OR56A3: variants seen among roughly 807,000 people sequenced by gnomAD.
OR56A3 encodes the protein olfactory receptor family 56 subfamily A member 3.
In OR56A3, 23 loss-of-function variants were observed where a neutral mutation model predicts 17.5. The observed-to-expected ratio is 1.32, with a 90% CI of 0.95 to 1.87. OR56A3 has a LOEUF of 1.87. Ranked by LOEUF, OR56A3 falls within the 40% of genes most tolerant of loss-of-function variation. The pLI is 0.00. For synonymous variants in OR56A3, 175 were observed against 150.6 expected (o/e 1.16, Z -1.19); for missense variants, 366 against 380.1 (o/e 0.96, Z 0.31).
chr11:5,952,501 C>G (rs1847913123), downstream of OR56A3, among the ~76,000 whole-genome samples: 1 of 150,486 alleles, frequency 6.6e-6, no homozygotes, highest in Admixed American at 6.6e-5. Context: ...CAAATAATTA[C>G]ATTATTATTG....
At chr11:5,975,821 C>T in the OR56A3 span, among the ~76,000 whole-genome samples, 1 of 152,030 alleles carries the variant, frequency 6.6e-6, no homozygotes, top group African/African-American at 2.4e-5. Flanking sequence ...TACAGTCTCA[C>T]CAACAGTGTA....
the OR56A3 span, among the ~76,000 whole-genome samples, chr11:6,018,920 C>T: frequency 5.1e-4 from 77 of 151,656 alleles, no homozygotes; most frequent in African/African-American, 1.8e-3. Context: ...ACTAGAAAAC[C>T]TAGAGGAAAT....
In OR56A3 at chr11:5,947,588, T is replaced by C; in HGVS notation, c.242T>C (p.Val81Ala). Reference protein sequence around the residue: ...SLLDIVLCLTVIPKVLTIFWF... With the variant: ...SLLDIVLCLTAIPKVLTIFWF... Reference sequence around the variant, plus strand: ...CTGGACATCGTGCTCTGCCTCACTGTCATCCCCAAGGTCCTGACCATCTTC... The same window carrying C: ...CTGGACATCGTGCTCTGCCTCACTGCCATCCCCAAGGTCCTGACCATCTTC... Residue 81 changes from valine (V) to alanine (A), a missense_variant, in exon 3 of 3, where the codon GTC becomes GCC. Physicochemically the swap from Val to Ala is moderately conservative, Grantham distance 64. Transcript: ENST00000641160. 2 of 1,614,210 alleles carry C rather than the reference T, an allele frequency of 1.2e-6. No homozygotes were observed. The highest frequency in any genetic ancestry group is 1.7e-6 in the Non-Finnish European group (2 of 1,180,034).
the OR56A3 span, among the ~76,000 whole-genome samples, chr11:5,975,738 G>A: frequency 3.3e-5 from 5 of 151,926 alleles, no homozygotes; most frequent in Non-Finnish European, 5.9e-5. Context: ...TGGGATGGCT[G>A]GGTCAAATGG....
At position 5,950,664 on chromosome 11, in the gene OR56A3, A is replaced by G. The variant is rs1847902473; in HGVS notation, c.*2370A>G. The G allele has an allele frequency of 6.6e-6, 1 of 152,150 alleles. No individual in the cohort carries two copies. Among genetic ancestry groups the G allele is most frequent in the South Asian group, 2.1e-4 (1 of 4,836 alleles). 9.4% of individuals were successfully genotyped at this position (152,150 alleles called of 1,614,324 possible). ...CTAATAAGATATTTTATTTAGTCCA[A>G]CATATCCAAAATATTATCATTTCAA... On this transcript the variant is annotated 3_prime_UTR_variant, in exon 3 of 3. Transcript: ENST00000641160.
chr11:5,997,727 A>G, the OR56A3 span, among the ~76,000 whole-genome samples: 1 of 152,232 alleles, frequency 6.6e-6, no homozygotes, highest in Admixed American at 6.5e-5. Context: ...GCTTCATTTC[A>G]GACTTTAGGT....
At chr11:5,942,918 T>G (rs1847847752) in intron 1 of OR56A3, among the ~76,000 whole-genome samples, 1 of 152,258 alleles carries the variant, frequency 6.6e-6, no homozygotes, top group South Asian at 2.1e-4. Flanking sequence ...TGGGCCTATC[T>G]TGCAACCTGG....
chr11:6,004,275 A>T, the OR56A3 span, among the ~76,000 whole-genome samples: 1 of 151,984 alleles, frequency 6.6e-6, no homozygotes, highest in Non-Finnish European at 1.5e-5. Context: ...CTTGAACCAG[A>T]CCTGGGGGGC....
At chr11:5,968,409 C>A in the OR56A3 span, 8 of 1,610,132 alleles carry the variant, frequency 5.0e-6, no homozygotes, top group Admixed American at 1.4e-4. Context: ...CAGAGACAGC[C>A]AGTGCTGCCA....
At chr11:5,979,293 G>T in the OR56A3 span, among the ~76,000 whole-genome samples, 1 of 151,938 alleles carries the variant, frequency 6.6e-6, no homozygotes, top group African/African-American at 2.4e-5. Flanking sequence ...ACTGGGATTG[G>T]CACCAGCGCT....
the OR56A3 span, chr11:6,020,003 G>A: frequency 2.0e-5 from 3 of 152,022 alleles, no homozygotes; most frequent in Admixed American, 1.3e-4. Context: ...TCTATTATAA[G>A]CATCCTGGTA....
chr11:5,945,303 G>A (rs1467213079), intron 2 of OR56A3, among the ~76,000 whole-genome samples: 8 of 152,152 alleles, frequency 5.3e-5, no homozygotes, highest in Admixed American at 2.0e-4. Context: ...GGCCGGGCAC[G>A]GTGGCTCACA....
chr11:5,986,905 A>G, the OR56A3 span: 1 of 1,612,794 alleles, frequency 6.2e-7, no homozygotes, highest in Non-Finnish European at 8.5e-7. Context: ...CTTGGAGAGG[A>G]AAGAGAAAAA....
the OR56A3 span, chr11:5,986,472 G>T: frequency 6.2e-7 from 1 of 1,613,846 alleles, no homozygotes; most frequent in East Asian, 2.2e-5. Context: ...CTGGATGCAG[G>T]ATTGTGGAAT....
the OR56A3 span, among the ~76,000 whole-genome samples, chr11:5,972,192 T>C: frequency 1.3e-5 from 2 of 152,218 alleles, no homozygotes; most frequent in Non-Finnish European, 2.9e-5. Flanking sequence ...TAGATTGCTA[T>C]TTCTGGGCAC....
the OR56A3 span, among the ~76,000 whole-genome samples, chr11:5,998,376 T>G: frequency 6.6e-6 from 1 of 152,174 alleles, no homozygotes; most frequent in Non-Finnish European, 1.5e-5. Flanking sequence ...GTCTGATTTA[T>G]GTATTGTCTG....
chr11:5,991,732 G>A, the OR56A3 span, among the ~76,000 whole-genome samples: 2 of 152,154 alleles, frequency 1.3e-5, no homozygotes, highest in African/African-American at 4.8e-5. Flanking sequence ...CTGAATTCCT[G>A]TGCACCAACT....
At chr11:5,959,470 T>C in the OR56A3 span, among the ~76,000 whole-genome samples, 1 of 152,178 alleles carries the variant, frequency 6.6e-6, no homozygotes, top group East Asian at 1.9e-4. Flanking sequence ...TTTGAGAATG[T>C]CTACTCAGAT....
Position 5,950,569 on chromosome 11 carries a change from A to G in OR56A3, c.*2275A>G, listed in dbSNP as rs563954023. The G allele has an allele frequency of 6.2e-4, 94 of 151,850 alleles. No homozygotes were observed. The highest frequency in any genetic ancestry group is 1.8e-3 in the African/African-American group (75 of 41,504). 9.4% of individuals were successfully genotyped at this position (151,850 alleles called of 1,614,324 possible). ...TTCCTCTAGAACTGTGCTGTGCAAT[A>G]TGAACCACATACTTAATTTTAAACT... On this transcript the variant is annotated 3_prime_UTR_variant, in exon 3 of 3. Coordinates refer to ENST00000641160, the MANE Select transcript of OR56A3 (RefSeq NM_001003443.3).
Sources: gnomAD v4.1 joint callset for allele counts (sites outside exome capture counted in the v4.1 genomes callset) on GRCh38, gnomAD v4.1.1 for gene constraint, MANE v1.5 for transcripts, NCBI Gene and HGNC (gene_info 2026-07-23, HGNC 2026-07-21) for gene names.